Variants in ELMO1 observed in about 807,000 individuals in gnomAD.
ELMO1 encodes engulfment and cell motility protein 1.
ELMO1 carries 26 observed loss-of-function variants against 98.9 expected under a neutral mutation model. The ratio of observed to expected loss-of-function variants is 0.26; its 90% CI spans 0.19 to 0.36. The LOEUF is 0.36. Ranked by LOEUF, ELMO1 falls within the 10% of genes least tolerant of loss-of-function variation. ELMO1 has a pLI of 1.00. For synonymous variants in ELMO1, 346 were observed against 346.0 expected, an observed-to-expected ratio of 1.00 and a Z score of 0.00; for missense variants, 627 against 935.2, an observed-to-expected ratio of 0.67 and a Z score of 4.30.
intron 1 of ELMO1, among the ~76,000 whole-genome samples, chr7:37,386,865 A>G (rs1802828180): frequency 6.6e-6 from 1 of 152,306 alleles, no homozygotes; most frequent in South Asian, 2.1e-4. Context: ...AGTGGTTATT[A>G]GCCTTGCATG....
intron 8 of ELMO1, among the ~76,000 whole-genome samples, chr7:37,229,948 T>A (rs58548799): frequency 0.076 from 11,586 of 152,244 alleles, 542 homozygotes; most frequent in South Asian, 0.18. Context: ...TCTTAAGTTG[T>A]TAGAAAATTA....
chr7:36,881,597 G>A (rs1013563645), intron 18 of ELMO1, among the ~76,000 whole-genome samples: 2 of 152,130 alleles, frequency 1.3e-5, no homozygotes, highest in African/African-American at 4.8e-5. Flanking sequence ...TAATAGCCAG[G>A]CTTCATCTCC....
chr7:36,945,427 G>C (rs1255527695), intron 16 of ELMO1, among the ~76,000 whole-genome samples: 1 of 152,134 alleles, frequency 6.6e-6, no homozygotes, highest in Admixed American at 6.5e-5. Flanking sequence ...GGAGGTACAG[G>C]CATACCCCAA....
chr7:36,866,666 G>A (rs76836136), intron 20 of ELMO1, among the ~76,000 whole-genome samples: 3,766 of 152,246 alleles, frequency 0.025, 108 homozygotes, highest in South Asian at 0.13. Flanking sequence ...TGCCTTGCTC[G>A]GTGATTAAGT....
At chr7:37,016,536 T>C (rs1477529649) in intron 15 of ELMO1, among the ~76,000 whole-genome samples, 3 of 152,176 alleles carry the variant, frequency 2.0e-5, no homozygotes, top group Admixed American at 6.5e-5. Context: ...TGAAAATTAA[T>C]TCCTCCACCC....
chr7:37,189,076 T>G (rs915051982), intron 13 of ELMO1, among the ~76,000 whole-genome samples: 1 of 152,232 alleles, frequency 6.6e-6, no homozygotes, highest in Non-Finnish European at 1.5e-5. Flanking sequence ...TATATAATAA[T>G]TTTTAAACTG....
At chr7:37,006,801 T>C (rs1311656594) in intron 16 of ELMO1, among the ~76,000 whole-genome samples, 1 of 152,190 alleles carries the variant, frequency 6.6e-6, no homozygotes, top group Non-Finnish European at 1.5e-5. Context: ...CAGGGTTATG[T>C]TACCTGTTAT....
chr7:37,074,982 G>T (rs1054806697), intron 15 of ELMO1, among the ~76,000 whole-genome samples: 3 of 152,080 alleles, frequency 2.0e-5, no homozygotes, highest in Non-Finnish European at 2.9e-5. Flanking sequence ...TTATTAGTCG[G>T]AACCCTGAAA....
chr7:37,049,660 C>G (rs1202932973), intron 15 of ELMO1, among the ~76,000 whole-genome samples: 1 of 151,910 alleles, frequency 6.6e-6, no homozygotes, highest in Non-Finnish European at 1.5e-5. Context: ...GAGAGGGGTC[C>G]ATCACAGATT....
intron 16 of ELMO1, among the ~76,000 whole-genome samples, chr7:36,968,551 C>T (rs534903973): frequency 2.0e-5 from 3 of 152,238 alleles, no homozygotes; most frequent in African/African-American, 7.2e-5. Flanking sequence ...TATTGCCACC[C>T]ATTAAATTCA....
chr7:37,019,178 G>A (rs952244732), intron 15 of ELMO1, among the ~76,000 whole-genome samples: 9 of 152,226 alleles, frequency 5.9e-5, no homozygotes, highest in Non-Finnish European at 1.2e-4. Flanking sequence ...CTGTGAAGAT[G>A]AGTAACTAGC....
At chr7:36,909,902 A>C (rs1562816243) in intron 16 of ELMO1, among the ~76,000 whole-genome samples, 1 of 152,228 alleles carries the variant, frequency 6.6e-6, no homozygotes, top group African/African-American at 2.4e-5. Context: ...GCAATAAATA[A>C]ATGAATGAAT....
intron 13 of ELMO1, among the ~76,000 whole-genome samples, chr7:37,153,326 G>A (rs1218793061): frequency 1.3e-5 from 2 of 152,166 alleles, no homozygotes; most frequent in Admixed American, 6.5e-5. Context: ...CCAAAGCAGG[G>A]TGGGGCATCA....
At position 36,894,844 on chromosome 7, in the gene ELMO1, G is replaced by T. The variant is rs762566756; in HGVS notation, c.1601+10C>A. ...TTTTGGGAGATAGAAGTCAATACTA[G>T]GTAACTTACAAAATCGGGCGGGACT... On this transcript the variant is annotated intron_variant, in intron 17 of 21. Transcript: ENST00000310758. 1 of 1,614,024 alleles carries T rather than the reference G, an allele frequency of 6.2e-7. No individual in the cohort carries two copies. The highest frequency in any genetic ancestry group is 1.1e-5 in the South Asian group (1 of 91,068).
chr7:37,445,900 C>G (rs1805593757), intron 1 of ELMO1, among the ~76,000 whole-genome samples: 1 of 152,264 alleles, frequency 6.6e-6, no homozygotes, highest in South Asian at 2.1e-4. Flanking sequence ...TTTAAAAGAC[C>G]TTCTCCAAGG....
rs566472953 is a variant in ELMO1, at chr7:36,926,727, C to G, written c.1438-31710G>C. Among the ~76,000 whole-genome samples, 229 of 152,314 alleles carry G rather than the reference C, an allele frequency of 1.5e-3. 2 individuals carry two copies. The highest frequency in any genetic ancestry group is 5.2e-3 in the African/African-American group (217 of 41,570). Reference sequence around the variant, plus strand: ...TACGGAGATGCAAATAACATAAGATCTGATACTCTGATGTTTCCATTTAGT... The same window carrying G: ...TACGGAGATGCAAATAACATAAGATGTGATACTCTGATGTTTCCATTTAGT... On this transcript the variant is annotated intron_variant, in intron 16 of 21. Coordinates refer to ENST00000310758, the MANE Select transcript of ELMO1 (RefSeq NM_014800.11).
chr7:37,116,665 T>G (rs150947275), intron 14 of ELMO1: 166 of 150,596 alleles, frequency 1.1e-3, no homozygotes, highest in African/African-American at 3.4e-3. Flanking sequence ...CACTGTGTTT[T>G]AAAATTAAAA....
At position 37,183,233 on chromosome 7, in the gene ELMO1, C is replaced by T. The variant is rs150471122; in HGVS notation, c.1086+28153G>A. 5.2e-4 allele frequency among the ~76,000 whole-genome samples: 79 copies of T among 152,278 alleles called. 1 individual carries two copies. The East Asian group carries it at 0.015, about 29-fold the overall frequency. On this transcript the variant is annotated intron_variant, in intron 13 of 21. Coordinates refer to ENST00000310758, the MANE Select transcript of ELMO1 (RefSeq NM_014800.11). ...GAAGGAGGAGGAAGAACAGGTCTAT[C>T]GAGAGTGAGCAACACGTTCATTTTC...
chr7:37,238,988 T>C (rs1794617534), intron 7 of ELMO1, among the ~76,000 whole-genome samples: 1 of 152,190 alleles, frequency 6.6e-6, no homozygotes, highest in Non-Finnish European at 1.5e-5. Context: ...ATTTCCTGTA[T>C]TGTCTTTGCC....
Sources: allele counts gnomAD v4.1 joint callset (sites outside exome capture counted in the v4.1 genomes callset), GRCh38; gene constraint gnomAD v4.1.1; transcripts MANE v1.5; gene names NCBI Gene and HGNC (gene_info 2026-07-23, HGNC 2026-07-21).